RBFOX1: variants seen among roughly 807,000 people sequenced by gnomAD.
RBFOX1 encodes the protein RNA binding protein fox-1 homolog 1.
In RBFOX1, 8 loss-of-function variants were observed where a neutral mutation model predicts 57.7. The ratio of observed to expected loss-of-function variants is 0.14; its 90% CI spans 0.08 to 0.25. RBFOX1 has a LOEUF of 0.25. RBFOX1 is among the 10% of genes least tolerant of loss of function. The pLI is 1.00. For missense variants in RBFOX1, 611 were observed against 548.5 expected (o/e 1.11, Z -1.14); for synonymous variants, 326 against 222.4 (o/e 1.47, Z -4.15).
chr16:7,197,488 A>G (rs190179025), intron 4 of RBFOX1, among the ~76,000 whole-genome samples: 1 of 150,990 alleles, frequency 6.6e-6, no homozygotes, highest in East Asian at 2.0e-4. Context: ...CTGCAGAATT[A>G]TCACAGATAG....
intron 10 of RBFOX1, among the ~76,000 whole-genome samples, chr16:7,626,864 A>T (rs1296194932): frequency 6.6e-6 from 1 of 152,140 alleles, no homozygotes; most frequent in Non-Finnish European, 1.5e-5. Flanking sequence ...AATCCTTCTG[A>T]GGATCAGGTA....
intron 4 of RBFOX1, among the ~76,000 whole-genome samples, chr16:7,504,775 ATATATATATATTTATATATATATATATT>A (rs2072573781): frequency 3.5e-4 from 5 of 14,242 alleles, no homozygotes; most frequent in East Asian, 3.5e-3. Flanking sequence ...ATATATTTAT[ATATATATATATTTATATATATATATATT>A]TATATATATA....
At chr16:7,019,329 A>G (rs376116289) in intron 3 of RBFOX1, among the ~76,000 whole-genome samples, 1 of 152,174 alleles carries the variant, frequency 6.6e-6, no homozygotes. Flanking sequence ...AATTTTTCAT[A>G]TAAAATGAAT....
At chr16:7,390,356 C>T (rs1463511460) in intron 4 of RBFOX1, among the ~76,000 whole-genome samples, 1 of 152,098 alleles carries the variant, frequency 6.6e-6, no homozygotes, top group African/African-American at 2.4e-5. Flanking sequence ...GGACTTGATC[C>T]AAATCTGAGA....
chr16:7,202,459 A>C (rs1366932384), intron 4 of RBFOX1, among the ~76,000 whole-genome samples: 2 of 152,166 alleles, frequency 1.3e-5, no homozygotes, highest in African/African-American at 4.8e-5. Flanking sequence ...CAGATGATCC[A>C]ACAATTCTTA....
intron 1 of RBFOX1, among the ~76,000 whole-genome samples, chr16:6,212,460 C>G (rs919065048): frequency 6.6e-6 from 1 of 152,066 alleles, no homozygotes; most frequent in East Asian, 1.9e-4. Flanking sequence ...AATCCCAGCA[C>G]TTTGGGAGGC....
intron 3 of RBFOX1, among the ~76,000 whole-genome samples, chr16:5,856,206 T>TATGTATATATATATATAC (rs1159874642): frequency 2.0e-4 from 8 of 40,508 alleles, no homozygotes; most frequent in African/African-American, 6.4e-4. Context: ...TATATATATA[T>TATGTATATATATATATAC]ACATATATAT....
chr16:7,044,255 T>C (rs1485071209), intron 3 of RBFOX1, among the ~76,000 whole-genome samples: 1 of 152,160 alleles, frequency 6.6e-6, no homozygotes, highest in East Asian at 1.9e-4. Flanking sequence ...ATTCCAAACA[T>C]CGTACTCATC....
chr16:7,215,078 G>A (rs150477096), intron 4 of RBFOX1, among the ~76,000 whole-genome samples: 1 of 152,030 alleles, frequency 6.6e-6, no homozygotes, highest in Non-Finnish European at 1.5e-5. Context: ...CCGCGGACAG[G>A]CCCTGGTGTG....
intron 2 of RBFOX1, among the ~76,000 whole-genome samples, chr16:6,624,678 G>C (rs2098279070): frequency 1.3e-5 from 2 of 152,012 alleles, no homozygotes; most frequent in South Asian, 2.1e-4. Flanking sequence ...CATTTCTTGA[G>C]GTCACCAGAA....
chr16:5,944,484 C>T (rs1173773162), intron 4 of RBFOX1, among the ~76,000 whole-genome samples: 1 of 152,076 alleles, frequency 6.6e-6, no homozygotes, highest in Non-Finnish European at 1.5e-5. Context: ...TTTAGCTGCA[C>T]TTCTCAGTGG....
chr16:7,711,335 T>C lies in RBFOX1; in HGVS notation c.*590T>C, dbSNP rs2083974543. On this transcript the variant is annotated 3_prime_UTR_variant, in exon 16 of 16. Coordinates refer to ENST00000550418, the MANE Select transcript of RBFOX1 (RefSeq NM_018723.4). ...CCAGTTCAAGCCAAAGGTCATGTTG[T>C]TAAGGGGGTGCTTCTAGTAGCACTT... 6.6e-6 allele frequency: 1 copy of C among 152,610 alleles called. No individual in the cohort carries two copies. Among genetic ancestry groups the C allele is most frequent in the Non-Finnish European group, 1.5e-5 (1 of 68,056 alleles). 9.5% of individuals were successfully genotyped at this position (152,610 alleles called of 1,614,324 possible). A position where few individuals can be genotyped will look rare whatever the true frequency, so the allele number is the denominator to read the frequency against.
intron 4 of RBFOX1, among the ~76,000 whole-genome samples, chr16:7,114,838 C>G (rs180772202): frequency 6.6e-6 from 1 of 152,110 alleles, no homozygotes; most frequent in South Asian, 2.1e-4. Flanking sequence ...TTCATGAAGC[C>G]AAATCGTAAA....
At chr16:6,866,309 A>C (rs1362641266) in intron 3 of RBFOX1, among the ~76,000 whole-genome samples, 3 of 151,952 alleles carry the variant, frequency 2.0e-5, no homozygotes, top group South Asian at 2.1e-4. Context: ...TTTAAGTTTC[A>C]AGCTATGATG....
At chr16:6,902,578 C>G (rs560324334) in intron 3 of RBFOX1, among the ~76,000 whole-genome samples, 2 of 152,116 alleles carry the variant, frequency 1.3e-5, no homozygotes, top group African/African-American at 2.4e-5. Context: ...AAAAATTGGC[C>G]AAGTATGGTG....
intron 4 of RBFOX1, among the ~76,000 whole-genome samples, chr16:7,343,668 A>G (rs930333368): frequency 3.3e-5 from 5 of 152,140 alleles, no homozygotes; most frequent in Non-Finnish European, 5.9e-5. Flanking sequence ...AATTGAAGTA[A>G]TATATCTTAG....
intron 4 of RBFOX1, among the ~76,000 whole-genome samples, chr16:7,493,047 C>G (rs191930280): frequency 3.3e-5 from 5 of 152,168 alleles, no homozygotes; most frequent in Admixed American, 3.3e-4. Context: ...CCCGGCTAAT[C>G]TTTGTAGTTT....
intron 11 of RBFOX1, among the ~76,000 whole-genome samples, chr16:7,649,014 G>T (rs1045368553): frequency 1.1e-4 from 16 of 152,132 alleles, no homozygotes; most frequent in Admixed American, 1.0e-3. Context: ...ACAGGAAAAG[G>T]GTTCCTATCC....
intron 2 of RBFOX1, among the ~76,000 whole-genome samples, chr16:5,548,706 G>C (rs1262966888): frequency 6.6e-6 from 1 of 152,062 alleles, no homozygotes; most frequent in Non-Finnish European, 1.5e-5. Flanking sequence ...TAAACTCTTG[G>C]GAATGATGGA....
Sources: gnomAD v4.1 joint callset for allele counts (sites outside exome capture counted in the v4.1 genomes callset) on GRCh38, gnomAD v4.1.1 for gene constraint, MANE v1.5 for transcripts, NCBI Gene and HGNC (gene_info 2026-07-23, HGNC 2026-07-21) for gene names.